The following HS3ST2 variants were observed in gnomAD, a reference collection of about 807,000 sequenced individuals.
HS3ST2 encodes heparan sulfate-glucosamine 3-sulfotransferase 2, also known as heparan sulfate glucosamine 3-O-sulfotransferase 2.
A neutral mutation model predicts 26.3 loss-of-function variants in HS3ST2; 17 were observed. That is an observed-to-expected ratio of 0.65 (90% CI 0.44 to 0.97). HS3ST2 has a LOEUF of 0.97. Among genes scored for constraint, HS3ST2 ranks in the 50% least tolerant of loss-of-function variants. The pLI, the probability that HS3ST2 is intolerant of heterozygous loss-of-function variation, is 0.00. For missense variants in HS3ST2, 402 were observed against 501.2 expected (o/e 0.80, Z 1.89); for synonymous variants, 237 against 219.2 (o/e 1.08, Z -0.72).
At chr16:22,867,197 G>T (rs996904344) in intron 1 of HS3ST2, among the ~76,000 whole-genome samples, 5 of 152,160 alleles carry the variant, frequency 3.3e-5, no homozygotes, top group African/African-American at 7.2e-5. Flanking sequence ...AACAAATAGT[G>T]TTGAGACAAC....
intron 1 of HS3ST2, among the ~76,000 whole-genome samples, chr16:22,843,547 G>C (rs1901388812): frequency 6.6e-6 from 1 of 152,202 alleles, no homozygotes; most frequent in South Asian, 2.1e-4. Context: ...ACATCTGCCA[G>C]TTCATGAAGA....
At position 22,884,659 on chromosome 16, in the gene HS3ST2, AAT is replaced by A. The variant is rs1309009636; in HGVS notation, c.486-30268_486-30267del. Reference sequence around the variant, plus strand: ...TTCCCATCAGCAAAATAGAGAAAAAAATATATATATATATATATTATATATAT... The same window carrying A: ...TTCCCATCAGCAAAATAGAGAAAAAAATATATATATATATATTATATATAT... On this transcript the variant is annotated intron_variant, in intron 1 of 1. Transcript: ENST00000261374. 8.3e-4 allele frequency among the ~76,000 whole-genome samples: 115 copies of A among 139,034 alleles called. 2 individuals carry two copies. Among genetic ancestry groups the A allele is most frequent in the African/African-American group, 2.8e-3 (106 of 38,362 alleles). The allele number at this position is 139,034 out of a possible 152,430, so 91.2% of individuals were successfully genotyped here. A position where few individuals can be genotyped will look rare whatever the true frequency, so the allele number is the denominator to read the frequency against.
At chr16:22,815,961 AG>A (rs543705402) in intron 1 of HS3ST2, among the ~76,000 whole-genome samples, 81 of 152,202 alleles carry the variant, frequency 5.3e-4, no homozygotes, top group Non-Finnish European at 9.7e-4. Flanking sequence ...CAAGGGTGCT[AG>A]GGGCAGCCAG....
chr16:22,839,026 T>C (rs1374755133), intron 1 of HS3ST2, among the ~76,000 whole-genome samples: 2 of 152,230 alleles, frequency 1.3e-5, no homozygotes, highest in African/African-American at 4.8e-5. Context: ...TGGGCTGTGA[T>C]TAACATGGTG....
intron 1 of HS3ST2, among the ~76,000 whole-genome samples, chr16:22,894,716 T>C (rs540689584): frequency 3.1e-4 from 46 of 146,686 alleles, no homozygotes; most frequent in Admixed American, 4.8e-4. Context: ...CTGGGCAACA[T>C]GGGTGAGACT....
At chr16:22,877,303 A>G (rs750823947) in intron 1 of HS3ST2, among the ~76,000 whole-genome samples, 1 of 152,206 alleles carries the variant, frequency 6.6e-6, no homozygotes, top group Non-Finnish European at 1.5e-5. Flanking sequence ...ACAGAGGAGC[A>G]GGAATACCTT....
intron 1 of HS3ST2, among the ~76,000 whole-genome samples, chr16:22,881,122 T>C (rs765147512): frequency 7.2e-5 from 11 of 152,244 alleles, no homozygotes; most frequent in Non-Finnish European, 1.0e-4. Context: ...TCTATGATTC[T>C]GGGAAAGAAC....
At chr16:22,851,816 C>T (rs1901522870) in intron 1 of HS3ST2, among the ~76,000 whole-genome samples, 1 of 152,184 alleles carries the variant, frequency 6.6e-6, no homozygotes, top group South Asian at 2.1e-4. Context: ...TATGCTTCCT[C>T]ACTCCATCAG....
chr16:22,889,604 G>A (rs1277851374), intron 1 of HS3ST2, among the ~76,000 whole-genome samples: 1 of 152,140 alleles, frequency 6.6e-6, no homozygotes, highest in Non-Finnish European at 1.5e-5. Flanking sequence ...TCCCCAATCT[G>A]AAACACATCT....
At chr16:22,904,937 G>T (rs1385419888) in intron 1 of HS3ST2, among the ~76,000 whole-genome samples, 2 of 152,220 alleles carry the variant, frequency 1.3e-5, no homozygotes. Context: ...GAGGATAAAC[G>T]GCCACAGGTG....
At chr16:22,853,502 T>A (rs1159509001) in intron 1 of HS3ST2, among the ~76,000 whole-genome samples, 1 of 152,148 alleles carries the variant, frequency 6.6e-6, no homozygotes, top group South Asian at 2.1e-4. Flanking sequence ...CTAGGGAAGA[T>A]GGGAACTTGA....
chr16:22,897,318 T>C (rs1038133503), intron 1 of HS3ST2, among the ~76,000 whole-genome samples: 9 of 152,200 alleles, frequency 5.9e-5, no homozygotes, highest in Non-Finnish European at 1.3e-4. Context: ...ATGTTATTTA[T>C]AGCCGTGACT....
intron 1 of HS3ST2, among the ~76,000 whole-genome samples, chr16:22,909,773 G>T: frequency 6.6e-6 from 1 of 152,088 alleles, no homozygotes; most frequent in Non-Finnish European, 1.5e-5. Flanking sequence ...GAGTGCGGAG[G>T]CTCATGCCTG....
At chr16:22,891,859 T>C (rs1404406266) in intron 1 of HS3ST2, among the ~76,000 whole-genome samples, 1 of 152,346 alleles carries the variant, frequency 6.6e-6, no homozygotes, top group East Asian at 1.9e-4. Flanking sequence ...AAATGGACTC[T>C]ACCTCTGTAC....
intron 1 of HS3ST2, among the ~76,000 whole-genome samples, chr16:22,820,208 C>T (rs1481610378): frequency 3.9e-5 from 6 of 151,984 alleles, no homozygotes; most frequent in Non-Finnish European, 8.8e-5. Flanking sequence ...GTCAGCCTTG[C>T]AGCATGCTGT....
At chr16:22,837,119 GTTT>G (rs11435002) in intron 1 of HS3ST2, among the ~76,000 whole-genome samples, 1 of 147,124 alleles carries the variant, frequency 6.8e-6, no homozygotes, top group Admixed American at 6.8e-5. Context: ...TGCCTATACA[GTTT>G]TTTTTTTTTC....
At chr16:22,848,342 T>A (rs1328622965) in intron 1 of HS3ST2, among the ~76,000 whole-genome samples, 1 of 152,180 alleles carries the variant, frequency 6.6e-6, no homozygotes, top group Non-Finnish European at 1.5e-5. Context: ...CCAATACAGT[T>A]CCTACAATAG....
intron 1 of HS3ST2, among the ~76,000 whole-genome samples, chr16:22,884,988 G>A (rs1421589824): frequency 1.3e-5 from 2 of 151,548 alleles, no homozygotes; most frequent in Admixed American, 6.6e-5. Flanking sequence ...TCACAGACAC[G>A]TGCCACCACG....
intron 1 of HS3ST2, among the ~76,000 whole-genome samples, chr16:22,820,506 G>A (rs1900976670): frequency 6.6e-6 from 1 of 152,238 alleles, no homozygotes; most frequent in South Asian, 2.1e-4. Flanking sequence ...TCACAATCAT[G>A]ACAGAAGGAG....
Sources: allele counts gnomAD v4.1 joint callset (sites outside exome capture counted in the v4.1 genomes callset), GRCh38; gene constraint gnomAD v4.1.1; transcripts MANE v1.5; gene names NCBI Gene and HGNC (gene_info 2026-07-23, HGNC 2026-07-21).